CADPS: variants seen among roughly 807,000 people sequenced by gnomAD.
CADPS encodes calcium dependent secretion activator, also known as calcium-dependent secretion activator 1.
CADPS carries 57 observed loss-of-function variants against 167.3 expected under a neutral mutation model. The observed-to-expected ratio is 0.34, with a 90% CI of 0.28 to 0.42. The LOEUF is 0.42. Ranked by LOEUF, CADPS falls within the 20% of genes least tolerant of loss-of-function variation. The pLI, the probability that CADPS is intolerant of heterozygous loss-of-function variation, is 1.00. For synonymous variants in CADPS, 676 were observed against 635.3 expected (o/e 1.06, Z -0.96); for missense variants, 1,414 against 1,738.1 (o/e 0.81, Z 3.32).
chr3:62,713,427 T>C (rs968002303), intron 3 of CADPS, among the ~76,000 whole-genome samples: 3 of 152,208 alleles, frequency 2.0e-5, no homozygotes, highest in Non-Finnish European at 4.4e-5. Context: ...ACCATTGCCA[T>C]GACAACACCT....
chr3:62,530,084 G>T (rs1221543271), intron 13 of CADPS, among the ~76,000 whole-genome samples: 2 of 152,144 alleles, frequency 1.3e-5, no homozygotes, highest in Non-Finnish European at 2.9e-5. Flanking sequence ...TGCCTTAAAG[G>T]TGACCTCAGT....
intron 10 of CADPS, among the ~76,000 whole-genome samples, chr3:62,550,395 T>C (rs1209074183): frequency 6.6e-6 from 1 of 151,994 alleles, no homozygotes; most frequent in African/African-American, 2.4e-5. Flanking sequence ...CCTATAAACA[T>C]ACTATTTTCT....
chr3:62,799,504 T>C (rs2152796328), intron 1 of CADPS, among the ~76,000 whole-genome samples: 1 of 152,270 alleles, frequency 6.6e-6, no homozygotes, highest in African/African-American at 2.4e-5. Context: ...GTTTCCTCTA[T>C]GGAATACATT....
intron 1 of CADPS, among the ~76,000 whole-genome samples, chr3:62,847,319 G>T (rs2077654549): frequency 1.6e-5 from 2 of 122,524 alleles, no homozygotes; most frequent in African/African-American, 3.4e-5. Context: ...GGGTACATGT[G>T]CACATTGTGC....
intron 27 of CADPS, among the ~76,000 whole-genome samples, chr3:62,445,353 C>A (rs2057023375): frequency 6.6e-6 from 1 of 151,974 alleles, no homozygotes; most frequent in East Asian, 1.9e-4. Flanking sequence ...AATTGCAAAA[C>A]CACAATTAAG....
At chr3:62,820,159 A>G (rs2094833424) in intron 1 of CADPS, among the ~76,000 whole-genome samples, 1 of 152,056 alleles carries the variant, frequency 6.6e-6, no homozygotes, top group African/African-American at 2.4e-5. Context: ...CATAATTTCA[A>G]CCCCAGGGGT....
At chr3:62,873,413 G>C (rs958121310) in intron 1 of CADPS, among the ~76,000 whole-genome samples, 2 of 152,182 alleles carry the variant, frequency 1.3e-5, no homozygotes, top group African/African-American at 4.8e-5. Context: ...CACTGCCTCT[G>C]TGTGGGGCTT....
At chr3:62,616,185 T>C (rs1428683453) in intron 6 of CADPS, among the ~76,000 whole-genome samples, 1 of 152,228 alleles carries the variant, frequency 6.6e-6, no homozygotes, top group Non-Finnish European at 1.5e-5. Flanking sequence ...AAGCACAGAA[T>C]GATAATTTCA....
intron 29 of CADPS, among the ~76,000 whole-genome samples, chr3:62,400,008 T>C (rs901970586): frequency 6.6e-6 from 1 of 152,242 alleles, no homozygotes; most frequent in Non-Finnish European, 1.5e-5. Flanking sequence ...TGTTGCAGTC[T>C]TGTTTTAGTA....
intron 1 of CADPS, among the ~76,000 whole-genome samples, chr3:62,869,197 T>C (rs1469162808): frequency 6.6e-6 from 1 of 152,134 alleles, no homozygotes; most frequent in East Asian, 1.9e-4. Context: ...TTTTGGATTA[T>C]GGAAGCTAAA....
intron 6 of CADPS, among the ~76,000 whole-genome samples, chr3:62,628,206 A>C (rs2064492553): frequency 6.6e-6 from 1 of 152,184 alleles, no homozygotes; most frequent in South Asian, 2.1e-4. Context: ...AGTTTGTATT[A>C]CTGCAACAGT....
chr3:62,626,692 T>A (rs1176673743), intron 6 of CADPS: 1 of 560,982 alleles, frequency 1.8e-6, no homozygotes, highest in Non-Finnish European at 3.2e-6. Context: ...ACAGAATCAA[T>A]CTAGAATTTA....
chr3:62,784,473 T>A (rs1472542704), intron 1 of CADPS, among the ~76,000 whole-genome samples: 1 of 152,110 alleles, frequency 6.6e-6, no homozygotes, highest in Non-Finnish European at 1.5e-5. Flanking sequence ...CAACTCCCAA[T>A]AAAATAACAG....
chr3:62,491,587 AT>A (rs1309431217), intron 20 of CADPS, 107 bp from the exon 21 acceptor site: 2 of 943,386 alleles, frequency 2.1e-6, no homozygotes, highest in Non-Finnish European at 1.6e-6. Flanking sequence ...ACACACACAG[AT>A]GATTGATTGT....
chr3:62,686,405 G>T (rs2078041339), intron 3 of CADPS, among the ~76,000 whole-genome samples: 1 of 152,028 alleles, frequency 6.6e-6, no homozygotes, highest in African/African-American at 2.4e-5. Context: ...GGACAGAAAG[G>T]CGTCTTTGGC....
At chr3:62,528,203 A>T (rs2072780762) in intron 13 of CADPS, among the ~76,000 whole-genome samples, 1 of 152,230 alleles carries the variant, frequency 6.6e-6, no homozygotes, top group African/African-American at 2.4e-5. Flanking sequence ...TTGGACAGGT[A>T]GGAAGGTAGA....
chr3:62,623,467 T>C (rs2063490066), intron 6 of CADPS, among the ~76,000 whole-genome samples: 1 of 152,228 alleles, frequency 6.6e-6, no homozygotes, highest in Admixed American at 6.5e-5. Context: ...GATTGAATCA[T>C]TAAAATCAAG....
At chr3:62,641,608 T>G (rs2067428571) in intron 6 of CADPS, among the ~76,000 whole-genome samples, 1 of 152,158 alleles carries the variant, frequency 6.6e-6, no homozygotes, top group Admixed American at 6.5e-5. Flanking sequence ...TGCCTAAGTA[T>G]CCCCATTGGT....
intron 11 of CADPS, among the ~76,000 whole-genome samples, chr3:62,549,193 C>A (rs2076944419): frequency 6.6e-6 from 1 of 152,178 alleles, no homozygotes; most frequent in Admixed American, 6.5e-5. Flanking sequence ...TACTTTATTT[C>A]TCCATTTTCT....
Sources: gnomAD v4.1 joint callset for allele counts (sites outside exome capture counted in the v4.1 genomes callset) on GRCh38, gnomAD v4.1.1 for gene constraint, MANE v1.5 for transcripts, NCBI Gene and HGNC (gene_info 2026-07-23, HGNC 2026-07-21) for gene names.